GAS2: variants seen among roughly 807,000 people sequenced by gnomAD.
GAS2 encodes the protein growth arrest-specific protein 2.
GAS2 carries 20 observed loss-of-function variants against 37.5 expected under a neutral mutation model. The observed-to-expected ratio is 0.53, with a 90% CI of 0.37 to 0.77. GAS2 has a LOEUF of 0.77. Among genes scored for constraint, GAS2 ranks in the 30% least tolerant of loss-of-function variants. The probability of loss-of-function intolerance (pLI) is 0.00; values close to 1 mark genes in which losing one functional copy is unlikely to be tolerated. For missense variants in GAS2, 336 were observed against 373.4 expected (o/e 0.90, Z 0.82); for synonymous variants, 144 against 132.2 (o/e 1.09, Z -0.61).
chr11:22,762,149 C>G (rs1269465944), intron 7 of GAS2, among the ~76,000 whole-genome samples: 1 of 152,032 alleles, frequency 6.6e-6, no homozygotes, highest in Non-Finnish European at 1.5e-5. Flanking sequence ...CACATCTTGC[C>G]ACAATTAAAT....
rs1445576033 is a variant in GAS2 at position 22,812,820 on chromosome 11, AT to A, written c.*805del. On this transcript the variant is annotated 3_prime_UTR_variant, in exon 8 of 8. Transcript: ENST00000454584. Reference sequence around the variant, plus strand: ...ATTTCAAAGCATTTTCTTATTAAAAATATATCTTTAGTTAATCCTATTTTGC... The same window carrying A: ...ATTTCAAAGCATTTTCTTATTAAAAAATATCTTTAGTTAATCCTATTTTGC... 1.5e-4 allele frequency: 23 copies of A among 152,698 alleles called. No individual in the cohort carries two copies. The highest frequency in any genetic ancestry group is 5.1e-4 in the African/African-American group (21 of 41,552). The allele number at this position is 152,698 out of a possible 1,614,324, so 9.5% of individuals were successfully genotyped here.
chr11:22,784,646 C>T (rs1455894415), intron 7 of GAS2, among the ~76,000 whole-genome samples: 2 of 152,068 alleles, frequency 1.3e-5, no homozygotes, highest in Non-Finnish European at 2.9e-5. Flanking sequence ...GGTTTTTTAC[C>T]ATCCTATGCA....
chr11:22,679,559 T>C (rs1849580652), intron 2 of GAS2, among the ~76,000 whole-genome samples: 2 of 152,112 alleles, frequency 1.3e-5, no homozygotes. Context: ...TAATTATTGA[T>C]GGACTTTTTA....
At chr11:22,786,879 T>A (rs988692529) in intron 7 of GAS2, among the ~76,000 whole-genome samples, 1 of 152,200 alleles carries the variant, frequency 6.6e-6, no homozygotes, top group Non-Finnish European at 1.5e-5. Context: ...AATCTCATTC[T>A]CATAGTCACT....
Position 22,649,964 on chromosome 11 carries a change from T to A in GAS2, c.-21+24151T>A, listed in dbSNP as rs550202539. On this transcript the variant is annotated intron_variant, in intron 1 of 5. Transcript: ENST00000528582. Reference sequence around the variant, plus strand: ...TTATTTCTTGTCTTCTGCTGGCTTTTGAATGTGTTTGCTCTTGCTTTTCTA... The same window carrying A: ...TTATTTCTTGTCTTCTGCTGGCTTTAGAATGTGTTTGCTCTTGCTTTTCTA... Among the ~76,000 whole-genome samples the A allele has an allele frequency of 2.6e-5, 4 of 152,230 alleles. No individual in the cohort carries two copies. In the South Asian group the frequency reaches 6.2e-4, roughly 24 times the overall value.
At chr11:22,789,363 CAT>C (rs1855996793) in intron 7 of GAS2, among the ~76,000 whole-genome samples, 1 of 110,694 alleles carries the variant, frequency 9.0e-6, no homozygotes, top group Non-Finnish European at 1.9e-5. Flanking sequence ...CATACATACA[CAT>C]ATACACATAT....
intron 3 of GAS2, among the ~76,000 whole-genome samples, chr11:22,709,175 G>A (rs1276914827): frequency 3.3e-5 from 5 of 151,442 alleles, no homozygotes; most frequent in Non-Finnish European, 7.4e-5. Flanking sequence ...TGATTAGACT[G>A]TAGAACTCAG....
intron 7 of GAS2, among the ~76,000 whole-genome samples, chr11:22,805,188 T>A (rs566318625): frequency 9.9e-5 from 15 of 152,206 alleles, no homozygotes; most frequent in Non-Finnish European, 1.5e-4. Flanking sequence ...ATATCTTTTT[T>A]AAAAAAGAAT....
intron 7 of GAS2, among the ~76,000 whole-genome samples, chr11:22,810,067 G>T (rs1050559098): frequency 6.6e-6 from 1 of 152,140 alleles, no homozygotes; most frequent in Non-Finnish European, 1.5e-5. Context: ...TGCATAGAAC[G>T]CCAGTCACTG....
At chr11:22,802,069 A>G (rs1856687066) in intron 7 of GAS2, among the ~76,000 whole-genome samples, 1 of 152,108 alleles carries the variant, frequency 6.6e-6, no homozygotes. Context: ...TTGACAAGGA[A>G]TGTGTATCAT....
chr11:22,677,056 A>G (rs1849460517), intron 2 of GAS2, among the ~76,000 whole-genome samples: 1 of 152,196 alleles, frequency 6.6e-6, no homozygotes, highest in Non-Finnish European at 1.5e-5. Flanking sequence ...TTAAGAATAA[A>G]CATAGTACCT....
In GAS2 at chr11:22,798,586, A is replaced by C. The variant is rs140898878; in HGVS notation, c.724-13212A>C. Among the ~76,000 whole-genome samples, 180 of 152,244 alleles carry C rather than the reference A, an allele frequency of 1.2e-3. 1 individual carries two copies. The highest frequency in any genetic ancestry group is 0.01 in the Middle Eastern group (3 of 294). ...GAGATAGTAAATAAGATAATAAATA[A>C]GAAAAAAATGCTTGTAAAGAGTAAA... On this transcript the variant is annotated intron_variant, in intron 7 of 7. Coordinates refer to ENST00000454584, the MANE Select transcript of GAS2 (RefSeq NM_001143830.3).
chr11:22,644,351 A>G (rs1366563825), intron 1 of GAS2, among the ~76,000 whole-genome samples: 2 of 152,150 alleles, frequency 1.3e-5, no homozygotes, highest in Non-Finnish European at 2.9e-5. Flanking sequence ...TCATTGCAAT[A>G]TCACAGAGGC....
At chr11:22,677,453 C>T (rs1329848604) in intron 2 of GAS2, among the ~76,000 whole-genome samples, 1 of 152,054 alleles carries the variant, frequency 6.6e-6, no homozygotes, top group African/African-American at 2.4e-5. Context: ...TATTAAGGAG[C>T]TTATAATTTA....
chr11:22,641,081 C>CT (rs937809476), intron 1 of GAS2, among the ~76,000 whole-genome samples: 75 of 150,344 alleles, frequency 5.0e-4, no homozygotes, highest in African/African-American at 1.8e-3. Flanking sequence ...TGCACTCTGG[C>CT]TTTTTTTTGA....
At chr11:22,642,090 T>C (rs1848637789) in intron 1 of GAS2, among the ~76,000 whole-genome samples, 1 of 152,080 alleles carries the variant, frequency 6.6e-6, no homozygotes, top group African/African-American at 2.4e-5. Context: ...TCCAATTTTA[T>C]TGAGAATTTT....
At chr11:22,695,180 G>A (rs1179502557) in intron 3 of GAS2, among the ~76,000 whole-genome samples, 1 of 152,014 alleles carries the variant, frequency 6.6e-6, no homozygotes, top group Non-Finnish European at 1.5e-5. Context: ...AATTAGCTGG[G>A]TGTGGTGGCA....
At chr11:22,646,118 C>T (rs1848687822) in intron 1 of GAS2, among the ~76,000 whole-genome samples, 4 of 152,076 alleles carry the variant, frequency 2.6e-5, no homozygotes, top group African/African-American at 7.2e-5. Context: ...GCTGAGATTA[C>T]AGGCGTCATT....
At chr11:22,661,000 G>A (rs1848909853) in intron 1 of GAS2, among the ~76,000 whole-genome samples, 1 of 152,194 alleles carries the variant, frequency 6.6e-6, no homozygotes, top group African/African-American at 2.4e-5. Context: ...TTTGTGAACT[G>A]TGTTATAGTT....
Sources: allele counts gnomAD v4.1 joint callset (sites outside exome capture counted in the v4.1 genomes callset), GRCh38; gene constraint gnomAD v4.1.1; transcripts MANE v1.5; gene names NCBI Gene and HGNC (gene_info 2026-07-23, HGNC 2026-07-21).